The following PRKAR1B variants were observed in gnomAD, a reference collection of about 807,000 sequenced individuals.
The protein encoded by PRKAR1B is cAMP-dependent protein kinase type I-beta regulatory subunit.
A neutral mutation model predicts 46.5 loss-of-function variants in PRKAR1B; 22 were observed. The observed-to-expected ratio is 0.47, with a 90% CI of 0.34 to 0.68. The LOEUF is 0.68. Ranked by LOEUF, PRKAR1B falls within the 30% of genes least tolerant of loss-of-function variation. The probability of loss-of-function intolerance (pLI) is 0.01; values close to 1 mark genes in which losing one functional copy is unlikely to be tolerated. For missense variants in PRKAR1B, 445 were observed against 535.6 expected, an observed-to-expected ratio of 0.83 and a Z score of 1.67; for synonymous variants, 259 against 217.7, an observed-to-expected ratio of 1.19 and a Z score of -1.67.
At chr7:621,097 T>A (rs1273971857) in intron 4 of PRKAR1B, among the ~76,000 whole-genome samples, 1 of 152,240 alleles carries the variant, frequency 6.6e-6, no homozygotes, top group Non-Finnish European at 1.5e-5. Flanking sequence ...GGTTGAACCA[T>A]CCTTGAATTC....
intron 4 of PRKAR1B, among the ~76,000 whole-genome samples, chr7:613,302 T>C (rs553009762): frequency 1.3e-5 from 2 of 151,896 alleles, no homozygotes; most frequent in East Asian, 1.9e-4. Context: ...AATTACATTG[T>C]AAATCTGTGT....
chr7:638,749 A>G (rs1421900915), intron 4 of PRKAR1B, among the ~76,000 whole-genome samples: 2 of 152,196 alleles, frequency 1.3e-5, no homozygotes, highest in Admixed American at 6.5e-5. Context: ...CTATCAATTC[A>G]ACACACACTC....
chr7:568,869 C>T (rs145298672), intron 9 of PRKAR1B, among the ~76,000 whole-genome samples: 320 of 152,100 alleles, frequency 2.1e-3, no homozygotes, highest in Middle Eastern at 0.014. Context: ...GGAACGCCTG[C>T]GCGGCGGTGC....
chr7:648,824 G>A (rs1386397880), intron 4 of PRKAR1B, among the ~76,000 whole-genome samples: 2 of 151,598 alleles, frequency 1.3e-5, no homozygotes, highest in Admixed American at 6.6e-5. Context: ...AACCCATAGG[G>A]ATTGGACACT....
At chr7:675,713 C>T (rs553366811) in intron 4 of PRKAR1B, among the ~76,000 whole-genome samples, 1 of 152,082 alleles carries the variant, frequency 6.6e-6, no homozygotes, top group Non-Finnish European at 1.5e-5. Context: ...TTTGGGAGGC[C>T]GAGGCAGGTG....
intron 1 of PRKAR1B, chr7:726,647 C>A: frequency 9.0e-7 from 1 of 1,116,982 alleles, no homozygotes; most frequent in Non-Finnish European, 1.1e-6. Flanking sequence ...CAGCGCGGAC[C>A]GGAAGTGCTG....
chr7:664,552 G>C (rs145041585), intron 4 of PRKAR1B, among the ~76,000 whole-genome samples: 1 of 152,186 alleles, frequency 6.6e-6, no homozygotes, highest in Non-Finnish European at 1.5e-5. Context: ...AACGTGAACT[G>C]GCTAGGGGTC....
At chr7:721,166 T>TAAATAC (rs1406549832) in intron 1 of PRKAR1B, among the ~76,000 whole-genome samples, 1 of 152,232 alleles carries the variant, frequency 6.6e-6, no homozygotes, top group African/African-American at 2.4e-5. Context: ...TTCTCACTGT[T>TAAATAC]AAATACCTAG....
At chr7:554,624 G>A (rs71536287) in intron 9 of PRKAR1B, among the ~76,000 whole-genome samples, 143 of 143,474 alleles carry the variant, frequency 1.0e-3, no homozygotes, top group African/African-American at 3.3e-3. Flanking sequence ...CCACAGAGCC[G>A]GAAGACAGGG....
rs774725532 is a variant in PRKAR1B at position 636,439 on chromosome 7, C to CGCCCTCACGTCCTCCACCGGACTGT, written c.441-29012_441-28988dup. The stretch of plus-strand genomic sequence containing the variant: ...GCGCCCACACGTCCTCCACCGGCCG[C>CGCCCTCACGTCCTCCACCGGACTGT]GCCCTCACGTCCTCCACCGGACTGT... On this transcript the variant is annotated intron_variant, in intron 4 of 10. Transcript: ENST00000537384. 3.0e-4 allele frequency among the ~76,000 whole-genome samples: 24 copies of CGCCCTCACGTCCTCCACCGGACTGT among 79,976 alleles called. 1 individual carries two copies. The highest frequency in any genetic ancestry group is 6.5e-3 in the Middle Eastern group (1 of 154). 52.5% of individuals were successfully genotyped at this position (79,976 alleles called of 152,430 possible).
chr7:720,915 T>A (rs1177534108), intron 1 of PRKAR1B, among the ~76,000 whole-genome samples: 1 of 152,242 alleles, frequency 6.6e-6, no homozygotes, highest in Non-Finnish European at 1.5e-5. Flanking sequence ...AACCTCTGTC[T>A]TCTAATTGGT....
intron 3 of PRKAR1B, among the ~76,000 whole-genome samples, chr7:677,815 C>T (rs573813233): frequency 2.0e-5 from 3 of 152,246 alleles, no homozygotes; most frequent in Admixed American, 6.5e-5. Context: ...CATCATCATG[C>T]GAACATCACA....
intron 2 of PRKAR1B, among the ~76,000 whole-genome samples, chr7:706,012 G>C (rs1325132549): frequency 6.6e-6 from 1 of 151,432 alleles, no homozygotes; most frequent in African/African-American, 2.4e-5. Flanking sequence ...GGCAACAAGA[G>C]TAAAACTCTG....
At chr7:595,228 G>A (rs985059114) in intron 7 of PRKAR1B, among the ~76,000 whole-genome samples, 2 of 152,144 alleles carry the variant, frequency 1.3e-5, no homozygotes, top group African/African-American at 2.4e-5. Context: ...CGGCCCTCAC[G>A]CTCCTGGGCT....
At chr7:696,591 T>G (rs940080007) in intron 2 of PRKAR1B, 3 of 152,228 alleles carry the variant, frequency 2.0e-5, no homozygotes, top group African/African-American at 7.2e-5. Flanking sequence ...GACTTAGCTT[T>G]TGAGATCCAT....
chr7:632,315 C>A (rs1436077497), intron 4 of PRKAR1B, among the ~76,000 whole-genome samples: 1 of 152,168 alleles, frequency 6.6e-6, no homozygotes, highest in Admixed American at 6.5e-5. Flanking sequence ...GTGGAGACCA[C>A]CCACCTCGCC....
chr7:702,454 C>A (rs1332362030), intron 2 of PRKAR1B, among the ~76,000 whole-genome samples: 2 of 152,016 alleles, frequency 1.3e-5, no homozygotes, highest in African/African-American at 4.8e-5. Flanking sequence ...TGAAAACTTG[C>A]CAAATTTCTT....
At chr7:601,449 T>C (rs1781589590) in intron 6 of PRKAR1B, among the ~76,000 whole-genome samples, 1 of 152,210 alleles carries the variant, frequency 6.6e-6, no homozygotes, top group South Asian at 2.1e-4. Flanking sequence ...TGCCCATAAC[T>C]CACCCGGGCT....
At chr7:567,451 CCAT>C (rs759889224) in intron 9 of PRKAR1B, among the ~76,000 whole-genome samples, 16 of 148,628 alleles carry the variant, frequency 1.1e-4, no homozygotes, top group Non-Finnish European at 1.8e-4. Context: ...ACCATCACCT[CCAT>C]CATCACTATC....
Sources: gnomAD v4.1 joint callset for allele counts (sites outside exome capture counted in the v4.1 genomes callset) on GRCh38, gnomAD v4.1.1 for gene constraint, MANE v1.5 for transcripts, NCBI Gene and HGNC (gene_info 2026-07-23, HGNC 2026-07-21) for gene names.